Variants in PLEKHA7 observed in about 807,000 individuals in gnomAD.
The protein encoded by PLEKHA7 is pleckstrin homology domain-containing family A member 7.
Under a neutral mutation model 170.0 loss-of-function variants are expected in PLEKHA7, and 104 were observed. The ratio of observed to expected loss-of-function variants is 0.61; its 90% confidence interval spans 0.52 to 0.72. PLEKHA7 has a LOEUF of 0.72. PLEKHA7 is among the 30% of genes least tolerant of loss of function. The probability of loss-of-function intolerance (pLI) is 0.00; values close to 1 mark genes in which losing one functional copy is unlikely to be tolerated. For missense variants in PLEKHA7, 1,615 were observed against 1,671.7 expected (o/e 0.97, Z 0.59); for synonymous variants, 648 against 660.8 (o/e 0.98, Z 0.30).
At chr11:16,991,664 G>A (rs1393936697) in intron 3 of PLEKHA7, among the ~76,000 whole-genome samples, 3 of 152,170 alleles carry the variant, frequency 2.0e-5, no homozygotes, top group African/African-American at 7.2e-5. Context: ...GAGAGGTAAT[G>A]GGGTTGGAGA....
Position 16,861,476 on chromosome 11 carries a change from C to T in PLEKHA7, c.306-5562G>A, listed in dbSNP as rs543185539. On this transcript the variant is annotated intron_variant, in intron 4 of 26. Transcript: ENST00000531066. ...AAGACCTGGGCAACATAATGAGACC[C>T]CGTCTCTATGAAAAATACAAAAATT... is the stretch of plus-strand genomic sequence containing the variant. Among the ~76,000 whole-genome samples, 4 of 152,110 alleles carry T rather than the reference C, an allele frequency of 2.6e-5. No homozygotes were observed. The South Asian group carries it at 6.2e-4, about 24-fold the overall frequency.
chr11:17,000,362 C>A (rs117615589), intron 3 of PLEKHA7, among the ~76,000 whole-genome samples: 2,186 of 152,180 alleles, frequency 0.014, 25 homozygotes, highest in Middle Eastern at 0.027. Context: ...CCAAAGTGCT[C>A]GGATTACAGG....
intron 3 of PLEKHA7, among the ~76,000 whole-genome samples, chr11:16,951,331 G>A (rs1861392155): frequency 6.6e-6 from 1 of 152,132 alleles, no homozygotes; most frequent in Non-Finnish European, 1.5e-5. Context: ...CTCTCCATCA[G>A]TCTAAGAGGG....
chr11:16,893,023 C>T (rs528775756), intron 3 of PLEKHA7, among the ~76,000 whole-genome samples: 13 of 152,138 alleles, frequency 8.5e-5, no homozygotes, highest in South Asian at 4.1e-4. Flanking sequence ...CATGAGGGCT[C>T]GACCCTTCAA....
Position 16,790,922 on chromosome 11 carries a change from G to A in PLEKHA7, c.2935-7C>T. On this transcript the variant is annotated splice_polypyrimidine_tract_variant and splice_region_variant and intron_variant, in intron 20 of 26. Transcript: ENST00000531066. Reference sequence around the variant, plus strand: ...CATACGACCGCAGCTCCACCTGTGGGCAGAGTCCCAGGTGATGTGACCTGC... The same window carrying A: ...CATACGACCGCAGCTCCACCTGTGGACAGAGTCCCAGGTGATGTGACCTGC... 1 of 1,613,596 alleles carries A rather than the reference G, an allele frequency of 6.2e-7. No homozygotes were observed. The highest frequency in any genetic ancestry group is 1.3e-5 in the African/African-American group (1 of 75,040).
intron 8 of PLEKHA7, 57 bp downstream of exon 8, chr11:16,851,134 T>C: frequency 7.3e-7 from 1 of 1,376,460 alleles, no homozygotes; most frequent in Non-Finnish European, 9.9e-7. Flanking sequence ...TATGAAGACA[T>C]TTTGAGAACA....
chr11:16,885,941 G>A (rs1856063745), intron 3 of PLEKHA7, among the ~76,000 whole-genome samples: 1 of 151,392 alleles, frequency 6.6e-6, no homozygotes, highest in African/African-American at 2.4e-5. Context: ...AGGTTGCAGT[G>A]AGCTGAGATC....
At chr11:17,009,882 G>A (rs993481717) in intron 3 of PLEKHA7, among the ~76,000 whole-genome samples, 108 of 151,902 alleles carry the variant, frequency 7.1e-4, no homozygotes, top group African/African-American at 2.4e-3. Context: ...CCTCGCCTCC[G>A]CCTCCCAAAG....
chr11:16,790,772 A>T, intron 21 of PLEKHA7, 26 bp downstream of exon 21: 2 of 1,597,240 alleles, frequency 1.3e-6, no homozygotes, highest in Non-Finnish European at 1.7e-6. Context: ...ATTCCCAGAG[A>T]AACTCCAGGG....
chr11:16,848,456 G>T (rs1852646219), intron 8 of PLEKHA7, among the ~76,000 whole-genome samples: 1 of 152,178 alleles, frequency 6.6e-6, no homozygotes, highest in Non-Finnish European at 1.5e-5. Context: ...ACCTTTTCCA[G>T]AATGTTAAGC....
At chr11:16,955,366 C>A (rs937909816) in intron 3 of PLEKHA7, among the ~76,000 whole-genome samples, 1 of 152,124 alleles carries the variant, frequency 6.6e-6, no homozygotes, top group Non-Finnish European at 1.5e-5. Flanking sequence ...CCCCTGTGTC[C>A]CTAAAGTGTT....
At chr11:16,955,388 C>T (rs1174116860) in intron 3 of PLEKHA7, among the ~76,000 whole-genome samples, 2 of 152,216 alleles carry the variant, frequency 1.3e-5, no homozygotes, top group African/African-American at 4.8e-5. Context: ...TATACAAATA[C>T]TCATGAAGAT....
At chr11:16,836,863 G>A (rs1212153278) in intron 9 of PLEKHA7, among the ~76,000 whole-genome samples, 4 of 149,682 alleles carry the variant, frequency 2.7e-5, no homozygotes, top group African/African-American at 7.4e-5. Context: ...TCACTCTGTC[G>A]CCCAGGCTGG....
At chr11:16,845,356 T>G (rs1852308071) in intron 8 of PLEKHA7, among the ~76,000 whole-genome samples, 1 of 152,154 alleles carries the variant, frequency 6.6e-6, no homozygotes, top group Non-Finnish European at 1.5e-5. Flanking sequence ...TTGTTTTGTT[T>G]TGTTATGTTG....
chr11:16,792,087 C>T (rs1310212138), intron 19 of PLEKHA7, among the ~76,000 whole-genome samples: 6 of 152,206 alleles, frequency 3.9e-5, no homozygotes, highest in Non-Finnish European at 8.8e-5. Flanking sequence ...AAAGGTTTAT[C>T]AACAATCTTC....
chr11:16,955,354 T>C (rs926568342), intron 3 of PLEKHA7, among the ~76,000 whole-genome samples: 2 of 152,232 alleles, frequency 1.3e-5, no homozygotes, highest in Non-Finnish European at 2.9e-5. Context: ...TGGAATAAAC[T>C]GCCCCTGTGT....
In PLEKHA7 at chr11:16,816,251, A is replaced by G. The variant is rs1849748367; in HGVS notation, c.1880T>C (p.Val627Ala). 6.2e-7 allele frequency: 1 copy of G among 1,613,348 alleles called. No individual in the cohort carries two copies. The highest frequency in any genetic ancestry group is 1.3e-5 in the African/African-American group (1 of 75,010). Residue 627 changes from valine to alanine, a missense_variant, in exon 12 of 27, where the codon GTG becomes GCG. Coordinates refer to ENST00000531066, the MANE Select transcript of PLEKHA7 (RefSeq NM_001329630.2). Reference protein sequence around the residue: ...RGHAVKNSSHVDRRSMPSMGY... With the variant: ...RGHAVKNSSHADRRSMPSMGY... ...CATGGAGGGCATGGAGCGTCGGTCC[A>G]CATGAGATGAGTTCTGCAAGTGGGG...
At chr11:16,954,455 G>A (rs1489407363) in intron 3 of PLEKHA7, among the ~76,000 whole-genome samples, 1 of 151,658 alleles carries the variant, frequency 6.6e-6, no homozygotes, top group African/African-American at 2.4e-5. Flanking sequence ...GACTGCTTGA[G>A]CCCAGGAGTT....
intron 4 of PLEKHA7, among the ~76,000 whole-genome samples, chr11:16,856,822 G>A (rs1853496338): frequency 1.3e-5 from 2 of 152,228 alleles, no homozygotes; most frequent in Non-Finnish European, 2.9e-5. Flanking sequence ...TCCAGGATCA[G>A]CAAGCCTTCC....
Sources: allele counts gnomAD v4.1 joint callset (sites outside exome capture counted in the v4.1 genomes callset), GRCh38; gene constraint gnomAD v4.1.1; transcripts MANE v1.5; gene names NCBI Gene and HGNC (gene_info 2026-07-23, HGNC 2026-07-21).